Variants in LAMA4 observed in about 807,000 individuals in gnomAD.
The protein encoded by LAMA4 is laminin subunit alpha-4.
In LAMA4, 127 loss-of-function variants were observed where a neutral mutation model predicts 207.1. The observed-to-expected ratio is 0.61, with a 90% confidence interval of 0.53 to 0.71. The LOEUF is 0.71. Ranked by LOEUF, LAMA4 falls within the 30% of genes least tolerant of loss-of-function variation. The probability of loss-of-function intolerance (pLI) is 0.00; values close to 1 mark genes in which losing one functional copy is unlikely to be tolerated. For synonymous variants in LAMA4, 761 were observed against 816.0 expected, an observed-to-expected ratio of 0.93 and a Z score of 1.15; for missense variants, 2,093 against 2,246.5, an observed-to-expected ratio of 0.93 and a Z score of 1.38.
intron 4 of LAMA4, among the ~76,000 whole-genome samples, chr6:112,204,136 A>G (rs1479019326): frequency 6.6e-6 from 1 of 152,190 alleles, no homozygotes; most frequent in Non-Finnish European, 1.5e-5. Context: ...TAGGAGTTTC[A>G]AAACACTGCT....
At chr6:112,231,521 AAAT>A (rs1554364467) in intron 2 of LAMA4, among the ~76,000 whole-genome samples, 8 of 152,242 alleles carry the variant, frequency 5.3e-5, no homozygotes. Context: ...ACCACGAAGC[AAAT>A]AATGCAGATC....
At chr6:112,212,501 G>C (rs764886746) in intron 3 of LAMA4, among the ~76,000 whole-genome samples, 16 of 152,100 alleles carry the variant, frequency 1.1e-4, no homozygotes, top group Non-Finnish European at 1.6e-4. Flanking sequence ...TGGGATTATT[G>C]GCTTGAGCCA....
chr6:112,203,666 G>C (rs1583881282), intron 4 of LAMA4, among the ~76,000 whole-genome samples: 1 of 152,164 alleles, frequency 6.6e-6, no homozygotes, highest in African/African-American at 2.4e-5. Context: ...CCCAGCAAGG[G>C]ATTCAAGAAG....
intron 30 of LAMA4, 65 bp downstream of exon 30, chr6:112,129,811 T>A: frequency 2.4e-6 from 3 of 1,258,976 alleles, no homozygotes; most frequent in Non-Finnish European, 3.4e-6. Flanking sequence ...AGTTTTAATA[T>A]TTTTGCTGTT....
intron 6 of LAMA4, among the ~76,000 whole-genome samples, chr6:112,190,935 CTTTCTTTCTTTCCTTTCTTTCTTT>C (rs1562714567): frequency 1.3e-3 from 75 of 59,322 alleles, no homozygotes; most frequent in East Asian, 0.012. Flanking sequence ...TTCTTTCTTT[CTTTCTTTCTTTCCTTTCTTTCTTT>C]CTTTCTTTCT....
At chr6:112,197,319 C>G (rs1202486058) in intron 5 of LAMA4, among the ~76,000 whole-genome samples, 5 of 152,014 alleles carry the variant, frequency 3.3e-5, no homozygotes, top group Non-Finnish European at 7.4e-5. Flanking sequence ...ATTCATGGAC[C>G]TAATTGTTAA....
In LAMA4 at chr6:112,140,830, T is replaced by C. The variant is rs1554332964; in HGVS notation, c.2906A>G (p.Asp969Gly). The change falls in exon 22 of 39, where the codon GAT (aspartate) becomes GGT (glycine). Residue 969 changes from aspartate to glycine, a missense_variant. Coordinates refer to ENST00000230538, the MANE Select transcript of LAMA4 (RefSeq NM_001105206.3). Reference protein sequence around the residue: ...KFIKKGEFSGDDSLLDLDPED... With the variant: ...KFIKKGEFSGGDSLLDLDPED... ...AGGGTCCAGGTCCAGCAGAGAGTCA[T>C]CTCCCGAAAATTCCCCCTTTTTAAT... 7 of 1,613,904 alleles carry C rather than the reference T, an allele frequency of 4.3e-6. No individual in the cohort carries two copies. In the Admixed American group the frequency reaches 5.0e-5, roughly 12 times the overall value.
At chr6:112,137,273 C>G (rs1779409224) in intron 24 of LAMA4, among the ~76,000 whole-genome samples, 1 of 152,064 alleles carries the variant, frequency 6.6e-6, no homozygotes, top group Admixed American at 6.5e-5. Context: ...GAAGTGATCT[C>G]CTGAGTGGAG....
intron 21 of LAMA4, 27 bp downstream of exon 21, chr6:112,141,331 A>G (rs1779679807): frequency 6.2e-7 from 1 of 1,611,272 alleles, no homozygotes; most frequent in Non-Finnish European, 8.5e-7. Context: ...ATGTGCATAT[A>G]TGCCCTGTGT....
chr6:112,181,393 G>A (rs183183493), intron 9 of LAMA4, among the ~76,000 whole-genome samples: 11 of 152,240 alleles, frequency 7.2e-5, no homozygotes, highest in Non-Finnish European at 1.3e-4. Flanking sequence ...AGCGTGTTTG[G>A]GAAGGTTCTT....
At chr6:112,165,075 A>G (rs576251804) in intron 13 of LAMA4, 85 bp downstream of exon 13, 22 of 816,500 alleles carry the variant, frequency 2.7e-5, no homozygotes, top group Non-Finnish European at 4.6e-5. Flanking sequence ...CTGGTTAGAT[A>G]TGAATTTATT....
chr6:112,226,776 A>C (rs1785237557), intron 2 of LAMA4, among the ~76,000 whole-genome samples: 1 of 152,270 alleles, frequency 6.6e-6, no homozygotes, highest in Non-Finnish European at 1.5e-5. Context: ...GCAATTAGGC[A>C]AATTTCACAA....
At chr6:112,208,605 C>A (rs1784199883) in intron 3 of LAMA4, among the ~76,000 whole-genome samples, 1 of 152,190 alleles carries the variant, frequency 6.6e-6, no homozygotes, top group Admixed American at 6.5e-5. Flanking sequence ...CCATATTATA[C>A]TGCTTCTCCA....
intron 4 of LAMA4, among the ~76,000 whole-genome samples, chr6:112,203,788 A>AT (rs57700212): frequency 0.054 from 8,193 of 151,988 alleles, 704 homozygotes; most frequent in African/African-American, 0.19. Flanking sequence ...CACACTTTTT[A>AT]CTTCATTTTC....
At chr6:112,187,376 T>C in intron 8 of LAMA4, 74 bp downstream of exon 8, 1 of 1,546,212 alleles carries the variant, frequency 6.5e-7, no homozygotes, top group South Asian at 1.1e-5. Flanking sequence ...CAAAAAGGGG[T>C]AGAAGGAATT....
At chr6:112,240,112 C>T (rs566288178) in intron 2 of LAMA4, among the ~76,000 whole-genome samples, 18 of 152,092 alleles carry the variant, frequency 1.2e-4, no homozygotes, top group Non-Finnish European at 1.9e-4. Context: ...AATTTCCTTT[C>T]TTTTTCTATT....
rs782234770 is a variant in LAMA4 at position 112,254,088 on chromosome 6, G to C, written c.63C>G (p.Cys21Trp). Reference protein sequence around the residue: ...LPLWLLWSAACSRAASGDDNA... With the variant: ...LPLWLLWSAAWSRAASGDDNA... ...TGTCGTCCCCGGACGCGGCGCGGGA[G>C]CAGGCAGCGCTCCAGAGGAGCCACA... Residue 21 changes from cysteine to tryptophan, a missense_variant, in exon 2 of 39, where the codon TGC becomes TGG. By Grantham distance (215) the Cys-to-Trp change is radical (BLOSUM62 -2). Coordinates refer to ENST00000230538, the MANE Select transcript of LAMA4 (RefSeq NM_001105206.3). 2.5e-6 allele frequency: 4 copies of C among 1,612,352 alleles called. No homozygotes were observed. Among genetic ancestry groups the C allele is most frequent in the Non-Finnish European group, 3.4e-6 (4 of 1,179,702 alleles).
chr6:112,226,233 T>C (rs1416538575), intron 2 of LAMA4, among the ~76,000 whole-genome samples: 4 of 152,236 alleles, frequency 2.6e-5, no homozygotes, highest in African/African-American at 7.2e-5. Context: ...TTTTCTACTT[T>C]GAACCTCTCA....
At chr6:112,229,846 A>G (rs905579788) in intron 2 of LAMA4, among the ~76,000 whole-genome samples, 14 of 152,206 alleles carry the variant, frequency 9.2e-5, no homozygotes, top group Admixed American at 8.5e-4. Context: ...GAGAATCAAA[A>G]TAGATAAGGG....
Sources: allele counts gnomAD v4.1 joint callset (sites outside exome capture counted in the v4.1 genomes callset), GRCh38; gene constraint gnomAD v4.1.1; transcripts MANE v1.5; gene names NCBI Gene and HGNC (gene_info 2026-07-23, HGNC 2026-07-21).